Variants in KCNV1 observed in about 807,000 individuals in gnomAD.
The protein encoded by KCNV1 is potassium voltage-gated channel modifier subfamily V member 1.
A neutral mutation model predicts 36.4 loss-of-function variants in KCNV1; 2 were observed. The ratio of observed to expected loss-of-function variants is 0.05; its 90% CI spans 0.02 to 0.17. KCNV1 has a LOEUF of 0.17. KCNV1 is among the 10% of genes least tolerant of loss of function. KCNV1 has a pLI of 1.00. For synonymous variants in KCNV1, 280 were observed against 261.1 expected, an observed-to-expected ratio of 1.07 and a Z score of -0.70; for missense variants, 321 against 643.6, an observed-to-expected ratio of 0.50 and a Z score of 5.42.
chr8:109,973,873 CTCTT>C, intron 2 of KCNV1, 51 bp downstream of exon 2: 2 of 1,345,210 alleles, frequency 1.5e-6, no homozygotes, highest in South Asian at 1.4e-5. Flanking sequence ...GTGCCTTCCT[CTCTT>C]TCTCTGCCGC....
Position 109,974,434 on chromosome 8 carries a change from C to T in KCNV1, c.-46G>A, listed in dbSNP as rs1458730572. The T allele has an allele frequency of 5.9e-6, 8 of 1,356,558 alleles. No individual in the cohort carries two copies. Among genetic ancestry groups the T allele is most frequent in the Non-Finnish European group, 7.8e-6 (8 of 1,026,054 alleles). 84.0% of individuals were successfully genotyped at this position (1,356,558 alleles called of 1,614,324 possible). A position where few individuals can be genotyped will look rare whatever the true frequency, so the allele number is the denominator to read the frequency against. The stretch of plus-strand genomic sequence containing the variant: ...CCTGAGGGCGCCACAAAGTTGGGGA[C>T]ACGCCGGAAGCTTTGGTCCCGCGAG... On this transcript the variant is annotated 5_prime_UTR_variant, in exon 2 of 4. Coordinates refer to ENST00000524391, the MANE Select transcript of KCNV1 (RefSeq NM_014379.4). This position sits in a 1 kb window ranked among gnomAD's most constrained non-coding sequence, Gnocchi z 6.2.
chr8:109,969,159 A>G (rs1309082015), intron 3 of KCNV1, among the ~76,000 whole-genome samples: 2 of 152,240 alleles, frequency 1.3e-5, no homozygotes, highest in East Asian at 1.9e-4. Context: ...CACCATAGCA[A>G]CAAAGTGAAG....
intron 3 of KCNV1, among the ~76,000 whole-genome samples, chr8:109,971,298 T>C (rs532074026): frequency 5.3e-5 from 8 of 152,162 alleles, no homozygotes; most frequent in Non-Finnish European, 1.0e-4. Context: ...AGACCCGATC[T>C]CAAGCTTTCT....
chr8:109,966,589 A>T lies in KCNV1; in HGVS notation c.*1499T>A, dbSNP rs1819946109. ...TATTTTAAATTTTTACATATCTGAA[A>T]TCCGGATGCATTTTACAGTTAATGG... On this transcript the variant is annotated 3_prime_UTR_variant, in exon 4 of 4. Transcript: ENST00000524391. The T allele has an allele frequency of 6.6e-6, 1 of 152,196 alleles. No homozygotes were observed. The highest frequency in any genetic ancestry group is 1.5e-5 in the Non-Finnish European group (1 of 68,026). 9.4% of individuals were successfully genotyped at this position (152,196 alleles called of 1,614,324 possible). A position where few individuals can be genotyped will look rare whatever the true frequency, so the allele number is the denominator to read the frequency against.
chr8:109,969,353 T>C (rs1819982272), intron 3 of KCNV1, among the ~76,000 whole-genome samples: 1 of 152,186 alleles, frequency 6.6e-6, no homozygotes, highest in South Asian at 2.1e-4. Context: ...ATTTCTGCTT[T>C]CCTATAATAA....
At position 109,974,462 on chromosome 8, in the gene KCNV1, C is replaced by T; in HGVS notation, c.-74G>A. 2.7e-6 allele frequency: 3 copies of T among 1,123,274 alleles called. No individual in the cohort carries two copies. The highest frequency in any genetic ancestry group is 1.6e-5 in the South Asian group (1 of 61,188). The allele number at this position is 1,123,274 out of a possible 1,614,324, so 69.6% of individuals were successfully genotyped here. ...GCCGGAAGCTTTGGTCCCGCGAGGG[C>T]GGTGGCACGGCCCCTGGTGGCGGCC... On this transcript the variant is annotated 5_prime_UTR_variant, in exon 2 of 4. Transcript: ENST00000524391. This position sits in a 1 kb window ranked among gnomAD's most constrained non-coding sequence, Gnocchi z 6.2.
chr8:109,974,540 C>T lies in KCNV1; in HGVS notation c.-152G>A. The stretch of plus-strand genomic sequence containing the variant: ...ACCTCTCCTTGGCGCACCCTCTCCA[C>T]CCGCTGTGCGCCTTCCTCCTCCTGC... On this transcript the variant is annotated 5_prime_UTR_variant, in exon 2 of 4. The change creates a new upstream start codon in the 5' untranslated region. Transcript: ENST00000524391. This position sits in a 1 kb window ranked among gnomAD's most constrained non-coding sequence, Gnocchi z 6.2. 1 of 613,280 alleles carries T rather than the reference C, an allele frequency of 1.6e-6. No homozygotes were observed. Among genetic ancestry groups the T allele is most frequent in the South Asian group, 2.0e-5 (1 of 49,306 alleles). The allele number at this position is 613,280 out of a possible 1,614,324, so 38.0% of individuals were successfully genotyped here.
Sources: gnomAD v4.1 joint callset for allele counts (sites outside exome capture counted in the v4.1 genomes callset) on GRCh38, gnomAD v4.1.1 for gene constraint, Gnocchi (gnomAD v3.1) non-coding constraint, MANE v1.5 for transcripts, NCBI Gene and HGNC (gene_info 2026-07-23, HGNC 2026-07-21) for gene names.